The following PTPRF variants were observed in gnomAD, a reference collection of about 807,000 sequenced individuals.
PTPRF encodes protein tyrosine phosphatase receptor type F.
PTPRF carries 59 observed loss-of-function variants against 201.8 expected under a neutral mutation model. The ratio of observed to expected loss-of-function variants is 0.29; its 90% CI spans 0.24 to 0.36. PTPRF has a LOEUF of 0.36. PTPRF is among the 10% of genes least tolerant of loss of function. The pLI is 1.00. For missense variants in PTPRF, 2,132 were observed against 2,690.5 expected (o/e 0.79, Z 4.59); for synonymous variants, 1,088 against 1,089.7 (o/e 1.00, Z 0.03).
Position 43,562,021 on chromosome 1 carries a change from C to T in PTPRF, c.380-7569C>T, listed in dbSNP as rs78665190. On this transcript the variant is annotated intron_variant, in intron 5 of 33. Transcript: ENST00000359947. ...TCTGGGAACAGGCTCACCAGGATGG[C>T]GGTTTAAATGCCCAAATGCCCTGTG... 4.6e-3 allele frequency among the ~76,000 whole-genome samples: 701 copies of T among 152,270 alleles called. 30 individuals are homozygous for T. The East Asian group carries it at 0.094, about 20-fold the overall frequency.
rs989468641 is a variant in PTPRF, at chr1:43,606,223, A to G, written c.3484-17A>G. On this transcript the variant is annotated splice_polypyrimidine_tract_variant and intron_variant, in intron 19 of 33. Coordinates refer to ENST00000359947, the MANE Select transcript of PTPRF (RefSeq NM_002840.5). ...TGCTCCAAGGCCCCTCATGACCCCCATGCTCTGCTCTGCCAGCTTCTAGAA... is the reference window on the plus strand; with the variant it reads ...TGCTCCAAGGCCCCTCATGACCCCCGTGCTCTGCTCTGCCAGCTTCTAGAA... 3.7e-6 allele frequency: 6 copies of G among 1,607,406 alleles called. No individual in the cohort carries two copies. The highest frequency in any genetic ancestry group is 1.3e-5 in the African/African-American group (1 of 74,994).
intron 6 of PTPRF, among the ~76,000 whole-genome samples, chr1:43,574,776 C>A (rs1335562736): frequency 6.6e-6 from 1 of 152,226 alleles, no homozygotes; most frequent in Non-Finnish European, 1.5e-5. Context: ...CTCTCCCCTG[C>A]CTCTGCATCT....
At chr1:43,609,319 T>C in intron 21 of PTPRF, 64 bp from the exon 22 acceptor site, 1 of 1,356,136 alleles carries the variant, frequency 7.4e-7, no homozygotes, top group Non-Finnish European at 1.0e-6. Flanking sequence ...CAGCCAGCCA[T>C]GCCATGTGTC....
intron 21 of PTPRF, among the ~76,000 whole-genome samples, chr1:43,607,407 A>C (rs1655384131): frequency 6.6e-6 from 1 of 152,148 alleles, no homozygotes. Flanking sequence ...CTGGAGGCCC[A>C]CAGGCCATGG....
intron 10 of PTPRF, 30 bp downstream of exon 10, chr1:43,591,978 G>A (rs749398917): frequency 6.2e-7 from 1 of 1,610,568 alleles, no homozygotes; most frequent in Non-Finnish European, 8.5e-7. Flanking sequence ...GCACTGAGGG[G>A]GTCTCCTGGT....
intron 5 of PTPRF, among the ~76,000 whole-genome samples, chr1:43,556,690 C>T (rs1348599195): frequency 2.0e-5 from 3 of 152,244 alleles, no homozygotes; most frequent in Non-Finnish European, 4.4e-5. Context: ...GCCTCTGACC[C>T]TCATTTGCTC....
At chr1:43,564,175 AG>A (rs1645997048) in intron 5 of PTPRF, among the ~76,000 whole-genome samples, 1 of 152,190 alleles carries the variant, frequency 6.6e-6, no homozygotes, top group East Asian at 1.9e-4. Flanking sequence ...AAGGCTCCCC[AG>A]GCCCCCCTTA....
Position 43,573,977 on chromosome 1 carries a change from C to CTTTTTT in PTPRF, c.568+4230_568+4235dup, listed in dbSNP as rs77543816. On this transcript the variant is annotated intron_variant, in intron 6 of 33. Coordinates refer to ENST00000359947, the MANE Select transcript of PTPRF (RefSeq NM_002840.5). The stretch of plus-strand genomic sequence containing the variant: ...CAAAGAGGGTTTGCTTGTGTGGGTT[C>CTTTTTT]TTTTTTTTTTTTTTTTTTTTTTTTT... Among the ~76,000 whole-genome samples, 91 of 63,918 alleles carry CTTTTTT rather than the reference C, an allele frequency of 1.4e-3. 13 individuals are homozygous for CTTTTTT. Among genetic ancestry groups the CTTTTTT allele is most frequent in the Non-Finnish European group, 2.0e-3 (74 of 37,268 alleles). 41.9% of individuals were successfully genotyped at this position (63,918 alleles called of 152,430 possible).
At chr1:43,531,922 T>A (rs1256835351) in intron 1 of PTPRF, among the ~76,000 whole-genome samples, 2 of 152,184 alleles carry the variant, frequency 1.3e-5, no homozygotes. Flanking sequence ...TGCCTCCCCG[T>A]GTCAGTGCCT....
chr1:43,539,148 T>G (rs1644207910), intron 2 of PTPRF, among the ~76,000 whole-genome samples: 2 of 152,158 alleles, frequency 1.3e-5, no homozygotes, highest in Admixed American at 1.3e-4. Flanking sequence ...TGGGAGTGAT[T>G]GAAGGCAGGA....
In PTPRF at chr1:43,598,802, C is replaced by T; in HGVS notation, c.2202C>T (p.Pro734=). The T allele has an allele frequency of 6.2e-7, 1 of 1,614,202 alleles. No homozygotes were observed. The change falls in exon 13 of 34, where the codon CCC becomes CCT. Residue 734 remains proline, a synonymous_variant. Transcript: ENST00000359947. ...AVHVYWKLPV[P]SKQHGQIRGY... ...ATGTCTACTGGAAGCTGCCTGTCCCCAGCAAGCAGCATGGCCAGATCCGCG... is the reference window on the plus strand; with the variant it reads ...ATGTCTACTGGAAGCTGCCTGTCCCTAGCAAGCAGCATGGCCAGATCCGCG...
chr1:43,622,353 T>A lies in PTPRF; in HGVS notation c.*350T>A. On this transcript the variant is annotated 3_prime_UTR_variant, in exon 34 of 34. Transcript: ENST00000359947. ...TTTTAATACATTAAGTGGGGTAGAC[T>A]GAGGGATTTTAGCCTCTTCCCTCTG... 1 of 263,976 alleles carries A rather than the reference T, an allele frequency of 3.8e-6. No homozygotes were observed. Among genetic ancestry groups the A allele is most frequent in the Admixed American group, 5.2e-5 (1 of 19,374 alleles). 16.4% of individuals were successfully genotyped at this position (263,976 alleles called of 1,614,324 possible).
At chr1:43,551,909 G>A (rs76311229) in intron 3 of PTPRF, among the ~76,000 whole-genome samples, 1,894 of 152,002 alleles carry the variant, frequency 0.012, 45 homozygotes, top group African/African-American at 0.044. Flanking sequence ...AACCCCCAGA[G>A]CCCCTGGCCC....
chr1:43,599,019 A>C, intron 13 of PTPRF, 106 bp downstream of exon 13: 1 of 1,251,720 alleles, frequency 8.0e-7, no homozygotes, highest in Non-Finnish European at 1.1e-6. Flanking sequence ...TGCCCTCAGC[A>C]GTGCTGTGAC....
intron 6 of PTPRF, among the ~76,000 whole-genome samples, chr1:43,575,418 T>C (rs1646855779): frequency 1.3e-5 from 2 of 152,212 alleles, no homozygotes; most frequent in Non-Finnish European, 2.9e-5. Flanking sequence ...CTGCGTGTTG[T>C]GGGAGGCCCA....
In PTPRF at chr1:43,606,818, G is replaced by A. The variant is rs772686657; in HGVS notation, c.3707G>A (p.Arg1236His). 6.2e-6 allele frequency: 10 copies of A among 1,613,212 alleles called. No individual in the cohort carries two copies. The highest frequency in any genetic ancestry group is 2.2e-5 in the South Asian group (2 of 91,082). Residue 1236 changes from arginine (R) to histidine (H), a missense_variant, in exon 21 of 34, where the codon CGC (arginine) becomes CAC (histidine). Arg to His is a conservative substitution (Grantham distance 29). Transcript: ENST00000359947. ...ASLKEPMDQKRYASSPYSDEI... is the reference protein window; with the variant it reads ...ASLKEPMDQKHYASSPYSDEI... ...CTGTTCTCCACCGGGCCACAGAAGCGCTATGCCTCCAGCCCCTACTCGGAT... is the reference window on the plus strand; with the variant it reads ...CTGTTCTCCACCGGGCCACAGAAGCACTATGCCTCCAGCCCCTACTCGGAT...
In PTPRF at chr1:43,605,205, C is replaced by A; in HGVS notation, c.3151C>A (p.Gln1051Lys). The change falls in exon 18 of 34, where the codon CAG becomes AAG. Residue 1051 changes from glutamine (Q) to lysine (K), a missense_variant. This residue lies in a region of PTPRF where 818 missense variants were observed against 915.3 expected (regional missense o/e 0.89). Transcript: ENST00000359947. ...TCCCCCACAGATTCTGTACAATGGG[C>A]AGAGTGTGGAGGTGGACGGGCACTC... The part of the protein sequence containing the change: ...AVPFKILYNG[Q>K]SVEVDGHSMR... The A allele has an allele frequency of 6.2e-7, 1 of 1,600,702 alleles. No individual in the cohort carries two copies. The highest frequency in any genetic ancestry group is 1.1e-5 in the South Asian group (1 of 90,354).
Position 43,609,466 on chromosome 1 carries a change from T to G in PTPRF, c.3941T>G (p.Val1314Gly). Residue 1314 changes from valine to glycine, a missense_variant, in exon 22 of 34, where the codon GTG becomes GGG. By Grantham distance (109) the Val-to-Gly change is moderately radical. This residue lies in a region of PTPRF where 818 missense variants were observed against 915.3 expected (regional missense o/e 0.89). Coordinates refer to ENST00000359947, the MANE Select transcript of PTPRF (RefSeq NM_002840.5). ...TTGCTGGCCCACTCCTCTGACCCTGTGGAGATGCGGAGGCTCAACTACCAG... is the reference window on the plus strand; with the variant it reads ...TTGCTGGCCCACTCCTCTGACCCTGGGGAGATGCGGAGGCTCAACTACCAG... ...DSLLAHSSDP[V>G]EMRRLNYQTP... The G allele has an allele frequency of 6.2e-7, 1 of 1,613,968 alleles. No homozygotes were observed. Among genetic ancestry groups the G allele is most frequent in the African/African-American group, 1.3e-5 (1 of 75,026 alleles).
rs774172865 is a variant in PTPRF at position 43,617,895 on chromosome 1, TGGA to T, written c.4360_4362del (p.Glu1454del). ...GCCACTGTGGTCATGATGACACGGC[TGGA>T]GGAGAAGTCCCGGGTGAGGCTGCAG... On this transcript the variant is annotated inframe_deletion, in exon 25 of 34. Transcript: ENST00000359947. 8 of 1,609,360 alleles carry T rather than the reference TGGA, an allele frequency of 5.0e-6. No homozygotes were observed. The highest frequency in any genetic ancestry group is 6.0e-6 in the Non-Finnish European group (7 of 1,176,354).
Sources: gnomAD v4.1 joint callset for allele counts (sites outside exome capture counted in the v4.1 genomes callset) on GRCh38, gnomAD v4.1.1 for gene constraint, gnomAD v4.1.1 regional missense constraint, MANE v1.5 for transcripts, NCBI Gene and HGNC (gene_info 2026-07-23, HGNC 2026-07-21) for gene names.